Variants in TCF7L2 observed in about 807,000 individuals in gnomAD.
TCF7L2 encodes the protein transcription factor 7-like 2.
In TCF7L2, 23 loss-of-function variants were observed where a neutral mutation model predicts 77.9. The observed-to-expected ratio is 0.30, with a 90% CI of 0.21 to 0.42. The LOEUF (loss-of-function observed/expected upper bound fraction) is 0.42, where lower values mean the gene tolerates loss of function less well. Among genes scored for constraint, TCF7L2 ranks in the 10% least tolerant of loss-of-function variants. The pLI is 1.00. For missense variants in TCF7L2, 654 were observed against 793.1 expected, an observed-to-expected ratio of 0.82 and a Z score of 2.11; for synonymous variants, 413 against 340.2, an observed-to-expected ratio of 1.21 and a Z score of -2.36.
chr10:112,987,481 G>C (rs141086571), intron 4 of TCF7L2: 1 of 150,094 alleles, frequency 6.7e-6, no homozygotes, highest in South Asian at 2.1e-4. Context: ...CTACCATAAC[G>C]GTGTATGTGA....
At chr10:113,158,274 A>C (rs2072377262) in intron 12 of TCF7L2, among the ~76,000 whole-genome samples, 1 of 152,254 alleles carries the variant, frequency 6.6e-6, no homozygotes, top group South Asian at 2.1e-4. Flanking sequence ...TTGTTGCATG[A>C]AAAGCACATT....
chr10:113,011,955 A>ACCTCAAGGATTGCTCTTGAGCTTTACCG (rs2046531703), intron 4 of TCF7L2, among the ~76,000 whole-genome samples: 1 of 152,072 alleles, frequency 6.6e-6, no homozygotes, highest in Non-Finnish European at 1.5e-5. Flanking sequence ...GAGCATTACT[A>ACCTCAAGGATTGCTCTTGAGCTTTACCG]CCTCAAGGAT....
intron 5 of TCF7L2, among the ~76,000 whole-genome samples, chr10:113,088,235 T>C (rs2060030314): frequency 6.6e-6 from 1 of 152,162 alleles, no homozygotes; most frequent in South Asian, 2.1e-4. Flanking sequence ...TTCTCTTGTT[T>C]ATAGAGCCTG....
chr10:112,955,755 G>A (rs975200912), intron 3 of TCF7L2, among the ~76,000 whole-genome samples: 5 of 152,158 alleles, frequency 3.3e-5, no homozygotes, highest in African/African-American at 4.8e-5. Context: ...CTGTGAAAAA[G>A]TTACCGGAAG....
At position 112,964,602 on chromosome 10, in the gene TCF7L2, T is replaced by C. The variant is rs998579375; in HGVS notation, c.428T>C (p.Ile143Thr). The C allele has an allele frequency of 6.2e-6, 10 of 1,613,272 alleles. No homozygotes were observed. The highest frequency in any genetic ancestry group is 2.2e-5 in the South Asian group (2 of 91,078). Residue 143 changes from isoleucine to threonine, a missense_variant, in exon 4 of 14, where the codon ATT becomes ACT. By Grantham distance (89) the Ile-to-Thr change is moderately conservative. Around this residue, in one of 6 missense-constraint regions of TCF7L2, gnomAD observed 132 missense variants for 123.7 expected, o/e 1.07. Transcript: ENST00000627217. ...ACACATTACTCTGCGTACAAAACGA[T>C]TGAACACCAGATTGCAGTTCAGGTA...
At chr10:112,951,681 C>T (rs2031418952) in intron 3 of TCF7L2, 74 bp downstream of exon 3, 1 of 894,286 alleles carries the variant, frequency 1.1e-6, no homozygotes, top group Non-Finnish European at 1.4e-6. Context: ...GCATGCGGCC[C>T]CTGCCCTGCC....
intron 4 of TCF7L2, among the ~76,000 whole-genome samples, chr10:112,970,935 A>G (rs1329673323): frequency 1.3e-5 from 2 of 152,338 alleles, no homozygotes; most frequent in South Asian, 2.1e-4. Flanking sequence ...AAAGGAATGA[A>G]GAATTAGAGA....
chr10:112,969,604 C>T (rs868127247), intron 4 of TCF7L2, among the ~76,000 whole-genome samples: 7 of 152,126 alleles, frequency 4.6e-5, no homozygotes, highest in African/African-American at 7.2e-5. Context: ...TGCAACAGGG[C>T]CAGTAGTTGT....
At chr10:112,965,218 C>T (rs529434072) in intron 4 of TCF7L2, among the ~76,000 whole-genome samples, 36 of 152,284 alleles carry the variant, frequency 2.4e-4, no homozygotes, top group African/African-American at 7.7e-4. Context: ...AAGGGAAAGG[C>T]GACAGATCCC....
intron 11 of TCF7L2, among the ~76,000 whole-genome samples, chr10:113,153,380 G>A (rs1450892909): frequency 6.6e-6 from 1 of 152,162 alleles, no homozygotes; most frequent in African/African-American, 2.4e-5. Context: ...CACTCTTAGG[G>A]GAACACCAAA....
At chr10:113,096,517 C>T (rs1314317107) in intron 5 of TCF7L2, among the ~76,000 whole-genome samples, 1 of 152,124 alleles carries the variant, frequency 6.6e-6, no homozygotes, top group Non-Finnish European at 1.5e-5. Context: ...ATCCAGTGTT[C>T]TCTGTCACGT....
intron 5 of TCF7L2, among the ~76,000 whole-genome samples, chr10:113,120,231 A>G (rs985458065): frequency 1.3e-5 from 2 of 152,172 alleles, no homozygotes; most frequent in African/African-American, 2.4e-5. Flanking sequence ...GAGGGGTAGT[A>G]TATTTGTGAG....
intron 5 of TCF7L2, among the ~76,000 whole-genome samples, chr10:113,107,985 G>T (rs933547390): frequency 6.6e-6 from 1 of 152,084 alleles, no homozygotes. Flanking sequence ...AAGGAAAGAG[G>T]TGGGCTATTT....
intron 4 of TCF7L2, among the ~76,000 whole-genome samples, chr10:112,977,885 G>A (rs1177344753): frequency 6.6e-6 from 1 of 152,170 alleles, no homozygotes. Flanking sequence ...GGGGAGCAGC[G>A]CTGTGTAAAT....
At chr10:113,080,028 C>A (rs567252923) in intron 5 of TCF7L2, among the ~76,000 whole-genome samples, 8 of 152,052 alleles carry the variant, frequency 5.3e-5, no homozygotes, top group African/African-American at 1.9e-4. Context: ...TGTGTACTGT[C>A]TCTGCCTCTG....
chr10:113,078,342 C>T (rs1158137259), intron 5 of TCF7L2, among the ~76,000 whole-genome samples: 1 of 152,074 alleles, frequency 6.6e-6, no homozygotes, highest in African/African-American at 2.4e-5. Flanking sequence ...TTCATGGTCC[C>T]CCTGAGACAC....
chr10:113,067,179 G>A (rs2057368741), intron 5 of TCF7L2, among the ~76,000 whole-genome samples: 2 of 152,164 alleles, frequency 1.3e-5, no homozygotes, highest in South Asian at 4.1e-4. Flanking sequence ...ATGTGAATTG[G>A]ACAATGATAT....
At chr10:113,161,471 A>T in intron 13 of TCF7L2, 1 of 1,207,002 alleles carries the variant, frequency 8.3e-7, no homozygotes, top group Non-Finnish European at 1.2e-6. Flanking sequence ...GGGAAAGTGT[A>T]GGTACTTCCT....
At chr10:113,057,986 G>A (rs1298345763) in intron 5 of TCF7L2, among the ~76,000 whole-genome samples, 1 of 152,190 alleles carries the variant, frequency 6.6e-6, no homozygotes, top group Admixed American at 6.5e-5. Flanking sequence ...ACAGTGGGAG[G>A]TGTTGGAGCT....
Sources: allele counts gnomAD v4.1 joint callset (sites outside exome capture counted in the v4.1 genomes callset), GRCh38; gene constraint gnomAD v4.1.1; regional missense constraint gnomAD v4.1.1; transcripts MANE v1.5; gene names NCBI Gene and HGNC (gene_info 2026-07-23, HGNC 2026-07-21).